Variants in TMEM232 observed in about 807,000 individuals in gnomAD.
The protein encoded by TMEM232 is transmembrane protein 232.
A neutral mutation model predicts 78.8 loss-of-function variants in TMEM232; 80 were observed. The observed-to-expected ratio is 1.01, with a 90% confidence interval of 0.85 to 1.22. The LOEUF (loss-of-function observed/expected upper bound fraction) is 1.22, where lower values mean the gene tolerates loss of function less well. TMEM232 is among the 50% of genes most tolerant of loss of function. The pLI is 0.00. For synonymous variants in TMEM232, 297 were observed against 254.3 expected (o/e 1.17, Z -1.60); for missense variants, 881 against 742.2 (o/e 1.19, Z -2.17).
At chr5:110,531,629 G>A (rs987723955) in intron 11 of TMEM232, among the ~76,000 whole-genome samples, 12 of 151,834 alleles carry the variant, frequency 7.9e-5, no homozygotes, top group African/African-American at 2.9e-4. Flanking sequence ...TGTTTTATTC[G>A]TCTCCTTTTA....
chr5:110,495,622 A>T (rs1475689834), intron 12 of TMEM232, among the ~76,000 whole-genome samples: 1 of 151,962 alleles, frequency 6.6e-6, no homozygotes, highest in Non-Finnish European at 1.5e-5. Context: ...GTCCAAAAAA[A>T]CTAGACGAGG....
chr5:110,457,083 G>A (rs1760991543), intron 12 of TMEM232, among the ~76,000 whole-genome samples: 1 of 151,898 alleles, frequency 6.6e-6, no homozygotes, highest in Non-Finnish European at 1.5e-5. Context: ...AGACTATAAA[G>A]ACATACCACA....
At chr5:110,405,726 C>T (rs1381891690) in intron 2 of TMEM232, among the ~76,000 whole-genome samples, 1 of 136,430 alleles carries the variant, frequency 7.3e-6, no homozygotes, top group East Asian at 2.1e-4. Context: ...CTGAAGGACA[C>T]AGTTTAAAAA....
chr5:110,464,282 G>A (rs1235313424), intron 12 of TMEM232, among the ~76,000 whole-genome samples: 1 of 152,100 alleles, frequency 6.6e-6, no homozygotes, highest in Non-Finnish European at 1.5e-5. Context: ...AGTGAAAAAT[G>A]AACAAAAGCT....
intron 12 of TMEM232, among the ~76,000 whole-genome samples, chr5:110,518,342 T>C (rs1201454515): frequency 6.6e-6 from 1 of 152,176 alleles, no homozygotes; most frequent in Non-Finnish European, 1.5e-5. Context: ...CAAAGTACAC[T>C]TCAATATCCT....
intron 12 of TMEM232, among the ~76,000 whole-genome samples, chr5:110,470,689 C>G: frequency 6.6e-6 from 1 of 152,282 alleles, no homozygotes; most frequent in East Asian, 1.9e-4. Flanking sequence ...GAACCAGAGT[C>G]AGCACACCCT....
intron 1 of TMEM232, among the ~76,000 whole-genome samples, chr5:110,695,487 C>T (rs187011276): frequency 6.6e-6 from 1 of 152,048 alleles, no homozygotes; most frequent in East Asian, 1.9e-4. Flanking sequence ...ACACAAAAAA[C>T]CCCTCAAAAA....
rs1301459360 is a variant in TMEM232, at chr5:110,420,766, A to G, written c.1798-10T>C. ...TTAGCTCTTCCTGCCACTGTTACAG[A>G]GAGAAAACGTCATTCACATGATTTT... On this transcript the variant is annotated splice_polypyrimidine_tract_variant and intron_variant, in intron 13 of 13. Transcript: ENST00000455884. 2.4e-5 allele frequency: 36 copies of G among 1,498,492 alleles called. No homozygotes were observed. The highest frequency in any genetic ancestry group is 3.2e-5 in the Non-Finnish European group (36 of 1,135,216). The allele number at this position is 1,498,492 out of a possible 1,614,324, so 92.8% of individuals were successfully genotyped here. A position where few individuals can be genotyped will look rare whatever the true frequency, so the allele number is the denominator to read the frequency against.
At chr5:110,559,769 A>C (rs1342672724) in intron 11 of TMEM232, among the ~76,000 whole-genome samples, 6 of 152,174 alleles carry the variant, frequency 3.9e-5, no homozygotes, top group Non-Finnish European at 8.8e-5. Flanking sequence ...ATCATGTCAC[A>C]GTTCTGAGGT....
chr5:110,396,812 T>A (rs1255945679), intron 3 of TMEM232, among the ~76,000 whole-genome samples: 1 of 152,204 alleles, frequency 6.6e-6, no homozygotes, highest in Non-Finnish European at 1.5e-5. Context: ...GTTAACAGAA[T>A]GAATTATTTT....
chr5:110,720,276 T>A (rs1797460387), intron 1 of TMEM232, among the ~76,000 whole-genome samples: 8 of 152,142 alleles, frequency 5.3e-5, no homozygotes, highest in Admixed American at 5.2e-4. Context: ...AATTAGGGTA[T>A]CAATATTCTT....
upstream of TMEM232, among the ~76,000 whole-genome samples, chr5:110,731,424 C>A (rs1418752427): frequency 1.3e-5 from 2 of 152,204 alleles, no homozygotes; most frequent in African/African-American, 4.8e-5. Context: ...TCCACACTGC[C>A]CTAGCAGGGG....
chr5:110,610,710 G>A (rs4277958), intron 8 of TMEM232: 47,419 of 337,640 alleles, frequency 0.14, 3,836 homozygotes, highest in East Asian at 0.28. Context: ...GAGGACTGAC[G>A]ACTTCGAACA....
intron 11 of TMEM232, among the ~76,000 whole-genome samples, chr5:110,543,290 C>A (rs1437695911): frequency 6.6e-6 from 1 of 152,184 alleles, no homozygotes; most frequent in Non-Finnish European, 1.5e-5. Flanking sequence ...CCACATCTTT[C>A]TCTATGATTC....
At chr5:110,584,792 A>T (rs1275879703) in intron 10 of TMEM232, among the ~76,000 whole-genome samples, 1 of 152,122 alleles carries the variant, frequency 6.6e-6, no homozygotes, top group African/African-American at 2.4e-5. Flanking sequence ...TGTAACAAAG[A>T]AATTTACAAG....
intron 8 of TMEM232, among the ~76,000 whole-genome samples, chr5:110,617,350 A>G (rs1325857935): frequency 1.3e-5 from 2 of 151,820 alleles, no homozygotes; most frequent in Non-Finnish European, 2.9e-5. Flanking sequence ...AGTTCTAGTG[A>G]TCTATTGTGC....
intron 12 of TMEM232, among the ~76,000 whole-genome samples, chr5:110,450,348 AT>A (rs1760132457): frequency 6.7e-6 from 1 of 150,038 alleles, no homozygotes; most frequent in African/African-American, 2.5e-5. Flanking sequence ...GTTTTTTCAG[AT>A]TTTGCCTGTT....
chr5:110,581,782 A>G (rs1347286745), intron 10 of TMEM232, among the ~76,000 whole-genome samples: 1 of 151,786 alleles, frequency 6.6e-6, no homozygotes, highest in Non-Finnish European at 1.5e-5. Context: ...GGTCTGATGA[A>G]TCTATAAGGA....
At chr5:110,498,269 T>G (rs1355073817) in intron 12 of TMEM232, among the ~76,000 whole-genome samples, 1 of 152,094 alleles carries the variant, frequency 6.6e-6, no homozygotes, top group African/African-American at 2.4e-5. Flanking sequence ...CTCATTTAAT[T>G]CAAAATAAGA....
Sources: allele counts gnomAD v4.1 joint callset (sites outside exome capture counted in the v4.1 genomes callset), GRCh38; gene constraint gnomAD v4.1.1; transcripts MANE v1.5; gene names NCBI Gene and HGNC (gene_info 2026-07-23, HGNC 2026-07-21).